Variants in TBC1D4 observed in about 807,000 individuals in gnomAD.
TBC1D4 encodes TBC1 domain family member 4, also known as TBC (Tre-2, BUB2, CDC16) domain-containing protein.
In TBC1D4, 121 loss-of-function variants were observed where a neutral mutation model predicts 142.5. The observed-to-expected ratio is 0.85, with a 90% confidence interval of 0.73 to 0.99. TBC1D4 has a LOEUF of 0.99. TBC1D4 is among the 50% of genes least tolerant of loss of function. TBC1D4 has a pLI of 0.00. For synonymous variants in TBC1D4, 630 were observed against 628.2 expected, an observed-to-expected ratio of 1.00 and a Z score of -0.04; for missense variants, 1,475 against 1,606.6, an observed-to-expected ratio of 0.92 and a Z score of 1.40.
At chr13:75,403,046 C>A (rs1469341078) in intron 1 of TBC1D4, among the ~76,000 whole-genome samples, 3 of 152,148 alleles carry the variant, frequency 2.0e-5, no homozygotes, top group Admixed American at 6.5e-5. Flanking sequence ...AACATGCAGC[C>A]CCCGTGCTCC....
chr13:75,346,098 G>A (rs998790542), intron 5 of TBC1D4, among the ~76,000 whole-genome samples: 4 of 152,146 alleles, frequency 2.6e-5, no homozygotes, highest in Admixed American at 6.5e-5. Flanking sequence ...GGGAAAAGAC[G>A]GGTAAGGAAT....
intron 20 of TBC1D4, among the ~76,000 whole-genome samples, chr13:75,288,635 A>G (rs892421581): frequency 6.6e-6 from 1 of 152,038 alleles, no homozygotes; most frequent in Non-Finnish European, 1.5e-5. Flanking sequence ...AACTTCATCA[A>G]TTTCCTACAT....
At chr13:75,342,941 T>C (rs1398053268) in intron 5 of TBC1D4, among the ~76,000 whole-genome samples, 1 of 152,170 alleles carries the variant, frequency 6.6e-6, no homozygotes, top group Non-Finnish European at 1.5e-5. Flanking sequence ...TAACTAAATA[T>C]ATTACATGAT....
At chr13:75,445,903 G>A (rs535725650) in intron 1 of TBC1D4, among the ~76,000 whole-genome samples, 5 of 152,162 alleles carry the variant, frequency 3.3e-5, no homozygotes, top group East Asian at 1.9e-4. Flanking sequence ...AAGTTATTTC[G>A]GATAATTTTA....
In TBC1D4 at chr13:75,289,132, TTAGGCTAGCCTTTGGTATGTATAA is replaced by T. The variant is rs1874996547; in HGVS notation, c.3487-46_3487-23del. 1.9e-6 allele frequency: 3 copies of T among 1,612,856 alleles called. No homozygotes were observed. In the South Asian group the frequency reaches 3.3e-5, roughly 18 times the overall value. On this transcript the variant is annotated intron_variant, in intron 19 of 20. Transcript: ENST00000377636. ...AAACCTGCCATGAAAGTATCATGGG[TTAGGCTAGCCTTTGGTATGTATAA>T]CAAGATACAGCCTGTTTATCTTGGT...
chr13:75,372,967 T>C (rs970421530), intron 1 of TBC1D4, among the ~76,000 whole-genome samples: 2 of 152,220 alleles, frequency 1.3e-5, no homozygotes, highest in African/African-American at 4.8e-5. Context: ...ATAGGAAGTA[T>C]AAAGTAATCT....
At chr13:75,289,694 A>G (rs1875072708) in intron 19 of TBC1D4, among the ~76,000 whole-genome samples, 1 of 152,148 alleles carries the variant, frequency 6.6e-6, no homozygotes, top group African/African-American at 2.4e-5. Context: ...CCACACAGAG[A>G]ATCCTCAAAA....
Position 75,481,303 on chromosome 13 carries a change from G to A in TBC1D4, c.465C>T (p.Ala155=), listed in dbSNP as rs368867237. Residue 155 remains alanine, a synonymous_variant, in exon 1 of 21, where the codon GCC becomes GCT. Transcript: ENST00000377636. ...GGTCTGTGGCGCGGAAAACGTGGCA[G>A]GCCATCTGCGACTCGGGGTCGTCGG... ...AQPDDPESQM[A]CHVFRATDPS... is the part of the protein sequence containing the mutation. The A allele has an allele frequency of 9.0e-5, 145 of 1,613,576 alleles. 1 individual carries two copies. Among genetic ancestry groups the A allele is most frequent in the Non-Finnish European group, 1.2e-4 (139 of 1,179,686 alleles).
intron 16 of TBC1D4, among the ~76,000 whole-genome samples, chr13:75,301,351 A>G (rs1876521609): frequency 6.6e-6 from 1 of 152,188 alleles, no homozygotes; most frequent in African/African-American, 2.4e-5. Context: ...AGCATTTAAG[A>G]AGACTGCTGG....
intron 13 of TBC1D4, among the ~76,000 whole-genome samples, chr13:75,311,966 T>C (rs942798713): frequency 1.3e-5 from 2 of 152,204 alleles, no homozygotes; most frequent in African/African-American, 2.4e-5. Flanking sequence ...TTTCTAAAGA[T>C]GAGTATGTTA....
chr13:75,369,630 C>A (rs961659559), intron 1 of TBC1D4, among the ~76,000 whole-genome samples: 5 of 152,116 alleles, frequency 3.3e-5, no homozygotes, highest in African/African-American at 1.2e-4. Context: ...GGTCCAGTAT[C>A]TATGTTTATC....
At position 75,382,856 on chromosome 13, in the gene TBC1D4, AAAT is replaced by A. The variant is rs1157506153; in HGVS notation, c.499-20252_499-20250del. Reference sequence around the variant, plus strand: ...TACAATATTCTGTGCGTACTGGGTTAAATAATATATACAATTCAAATTAATTTC... The same window carrying A: ...TACAATATTCTGTGCGTACTGGGTTAAATATATACAATTCAAATTAATTTC... On this transcript the variant is annotated intron_variant, in intron 1 of 20. Coordinates refer to ENST00000377636, the MANE Select transcript of TBC1D4 (RefSeq NM_014832.5). 3.9e-5 allele frequency among the ~76,000 whole-genome samples: 6 copies of A among 152,318 alleles called. No individual in the cohort carries two copies. The East Asian group carries it at 1.2e-3, about 29-fold the overall frequency.
At chr13:75,389,491 G>C (rs1240268942) in intron 1 of TBC1D4, among the ~76,000 whole-genome samples, 5 of 152,034 alleles carry the variant, frequency 3.3e-5, no homozygotes, top group Non-Finnish European at 2.9e-5. Context: ...ACTGTAAGTA[G>C]AAACAGAATA....
At chr13:75,308,215 G>A (rs1275134029) in intron 14 of TBC1D4, among the ~76,000 whole-genome samples, 6 of 152,184 alleles carry the variant, frequency 3.9e-5, no homozygotes, top group Non-Finnish European at 8.8e-5. Flanking sequence ...ACAGAGAACC[G>A]ATGAAGGTTT....
rs377352519 is a variant in TBC1D4, at chr13:75,362,595, T to C, written c.511A>G (p.Ile171Val). 1.9e-6 allele frequency: 3 copies of C among 1,613,902 alleles called. No individual in the cohort carries two copies. In the African/African-American group the frequency reaches 4.0e-5, roughly 22 times the overall value. ...TTAGATAATTGCCTTATGCTGCTAA[T>C]AACATCAGGAACCTGGGGGAAAAAA... Reference protein sequence around the residue: ...ATDPSQVPDVISSIRQLSKAA... With the variant: ...ATDPSQVPDVVSSIRQLSKAA... Residue 171 changes from isoleucine to valine, a missense_variant, in exon 2 of 21, where the codon ATT (isoleucine) becomes GTT (valine). Ile to Val is a conservative substitution (Grantham distance 29). Transcript: ENST00000377636. This position sits in a 1 kb window ranked among gnomAD's most constrained non-coding sequence, Gnocchi z 4.2.
intron 8 of TBC1D4, 116 bp downstream of exon 8, chr13:75,336,805 G>A (rs1880252657): frequency 7.9e-7 from 1 of 1,273,312 alleles, no homozygotes; most frequent in African/African-American, 1.5e-5. Flanking sequence ...AGTTATCTTA[G>A]GTTTTTTTTT....
At chr13:75,301,190 G>C (rs947326641) in intron 16 of TBC1D4, among the ~76,000 whole-genome samples, 1 of 151,934 alleles carries the variant, frequency 6.6e-6, no homozygotes, top group Non-Finnish European at 1.5e-5. Flanking sequence ...CAACTTTTAG[G>C]AGTACAAATA....
chr13:75,444,899 A>G (rs1031054910), intron 1 of TBC1D4, among the ~76,000 whole-genome samples: 49 of 152,302 alleles, frequency 3.2e-4, no homozygotes, highest in African/African-American at 1.2e-3. Flanking sequence ...GCTTTCATTT[A>G]TTAATTGCTT....
chr13:75,468,370 G>A (rs1258300141), intron 1 of TBC1D4, among the ~76,000 whole-genome samples: 1 of 152,098 alleles, frequency 6.6e-6, no homozygotes, highest in Non-Finnish European at 1.5e-5. Flanking sequence ...TAACTGAACT[G>A]AACTGAAACT....
Sources: allele counts gnomAD v4.1 joint callset (sites outside exome capture counted in the v4.1 genomes callset), GRCh38; gene constraint gnomAD v4.1.1; non-coding constraint Gnocchi (gnomAD v3.1); transcripts MANE v1.5; gene names NCBI Gene and HGNC (gene_info 2026-07-23, HGNC 2026-07-21).